FCHO2: variants seen among roughly 807,000 people sequenced by gnomAD.
FCHO2 encodes FCH and mu domain containing endocytic adaptor 2, also known as F-BAR domain only protein 2.
A neutral mutation model predicts 114.1 loss-of-function variants in FCHO2; 43 were observed. The observed-to-expected ratio is 0.38, with a 90% CI of 0.30 to 0.49. The LOEUF is 0.49. Ranked by LOEUF, FCHO2 falls within the 20% of genes least tolerant of loss-of-function variation. The pLI, the probability that FCHO2 is intolerant of heterozygous loss-of-function variation, is 0.97. For synonymous variants in FCHO2, 293 were observed against 315.2 expected (o/e 0.93, Z 0.75); for missense variants, 807 against 950.4 (o/e 0.85, Z 1.98).
chr5:73,071,589 C>A (rs1742656282), intron 19 of FCHO2, among the ~76,000 whole-genome samples: 6 of 151,988 alleles, frequency 3.9e-5, no homozygotes, highest in Admixed American at 3.9e-4. Flanking sequence ...TTAGAAACCA[C>A]AATCTACCCT....
intron 11 of FCHO2, among the ~76,000 whole-genome samples, chr5:73,041,969 A>G (rs1328140762): frequency 6.6e-6 from 1 of 152,120 alleles, no homozygotes; most frequent in African/African-American, 2.4e-5. Flanking sequence ...GTTTCAAACA[A>G]TCTCTGTCCT....
At chr5:73,010,305 G>A (rs992688214) in intron 6 of FCHO2, among the ~76,000 whole-genome samples, 15 of 152,174 alleles carry the variant, frequency 9.9e-5, no homozygotes, top group African/African-American at 3.6e-4. Context: ...GATTGAAATT[G>A]TGACTTTTTA....
chr5:73,034,642 T>A lies in FCHO2; in HGVS notation c.797-15T>A. The A allele has an allele frequency of 6.3e-7, 1 of 1,577,206 alleles. No homozygotes were observed. The highest frequency in any genetic ancestry group is 8.6e-7 in the Non-Finnish European group (1 of 1,168,658). On this transcript the variant is annotated splice_polypyrimidine_tract_variant and intron_variant, in intron 8 of 25. Coordinates refer to ENST00000430046, the MANE Select transcript of FCHO2 (RefSeq NM_138782.3). ...TTTTTTTCTACTAGAAGTTTTTCAA[T>A]TTCTTTTTTTCCAGGCCTCATTGAA...
chr5:73,054,451 T>A (rs1757488546), intron 14 of FCHO2, 74 bp from the exon 15 acceptor site: 2 of 1,294,126 alleles, frequency 1.5e-6, no homozygotes, highest in East Asian at 5.1e-5. Flanking sequence ...AGGTTCCCAG[T>A]ATTAACATTT....
chr5:73,086,339 C>T (rs1372484445), intron 24 of FCHO2, among the ~76,000 whole-genome samples: 5 of 152,172 alleles, frequency 3.3e-5, no homozygotes, highest in Non-Finnish European at 5.9e-5. Flanking sequence ...AGTTCATCTC[C>T]ACTACTGATC....
At chr5:73,050,250 C>T (rs1455901762) in intron 11 of FCHO2, among the ~76,000 whole-genome samples, 5 of 151,952 alleles carry the variant, frequency 3.3e-5, no homozygotes, top group Non-Finnish European at 5.9e-5. Flanking sequence ...CTCTCTTGAT[C>T]TACAGGTTCC....
rs140688476 is a variant in FCHO2, at chr5:72,967,655, T to A, written c.34-843T>A. On this transcript the variant is annotated intron_variant, in intron 1 of 25. Transcript: ENST00000430046. ...TGTTGTTTTTGCCAGAGTCTCACCC[T>A]GTCTCCCAGGCTGGAGTGCAGTGGT... Among the ~76,000 whole-genome samples, 283 of 152,348 alleles carry A rather than the reference T, an allele frequency of 1.9e-3. 4 individuals are homozygous for A. Among genetic ancestry groups the A allele is most frequent in the African/African-American group, 6.4e-3 (266 of 41,592 alleles).
intron 1 of FCHO2, among the ~76,000 whole-genome samples, chr5:72,961,193 T>C (rs1444573578): frequency 6.6e-6 from 1 of 152,130 alleles, no homozygotes; most frequent in African/African-American, 2.4e-5. Context: ...TATTAATAGG[T>C]CTTTGGGATA....
At chr5:72,987,589 C>T (rs540884702) in intron 2 of FCHO2, among the ~76,000 whole-genome samples, 169 of 152,222 alleles carry the variant, frequency 1.1e-3, no homozygotes, top group Non-Finnish European at 1.8e-3. Context: ...CTGCCAGCCT[C>T]GGCCTCCCAA....
intron 22 of FCHO2, among the ~76,000 whole-genome samples, chr5:73,080,330 C>A (rs1300531889): frequency 6.6e-6 from 1 of 152,174 alleles, no homozygotes; most frequent in African/African-American, 2.4e-5. Context: ...TAATAGGATG[C>A]AAGTAAAACC....
chr5:73,035,878 C>G (rs1464990343), intron 9 of FCHO2, among the ~76,000 whole-genome samples: 2 of 151,990 alleles, frequency 1.3e-5, no homozygotes, highest in African/African-American at 4.8e-5. Context: ...GGGTCTTGCT[C>G]TGTCACCCAG....
chr5:73,033,382 TA>T lies in FCHO2; in HGVS notation c.797-1274del, dbSNP rs571082116. 3.2e-4 allele frequency among the ~76,000 whole-genome samples: 48 copies of T among 152,242 alleles called. No individual in the cohort carries two copies. The East Asian group carries it at 8.5e-3, about 27-fold the overall frequency. On this transcript the variant is annotated intron_variant, in intron 8 of 25. Coordinates refer to ENST00000430046, the MANE Select transcript of FCHO2 (RefSeq NM_138782.3). ...ACTAGAACCACACAGAAATAAATCTTAGGTTTAGGGGGAGGGAGAGGGACAT... is the reference window on the plus strand; with the variant it reads ...ACTAGAACCACACAGAAATAAATCTTGGTTTAGGGGGAGGGAGAGGGACAT...
intron 5 of FCHO2, among the ~76,000 whole-genome samples, chr5:72,991,491 A>G (rs147549202): frequency 2.4e-4 from 36 of 152,396 alleles, no homozygotes; most frequent in African/African-American, 8.7e-4. Context: ...AGATTTTGGT[A>G]TATTTAGAAA....
intron 5 of FCHO2, 103 bp from the exon 6 acceptor site, chr5:73,006,342 G>A (rs983000832): frequency 2.1e-4 from 134 of 650,814 alleles, no homozygotes; most frequent in Non-Finnish European, 2.9e-4. Flanking sequence ...ATGTCATATT[G>A]AACTCTTAAA....
intron 2 of FCHO2, among the ~76,000 whole-genome samples, chr5:72,982,704 T>C (rs1204547765): frequency 2.0e-5 from 3 of 152,154 alleles, no homozygotes; most frequent in Non-Finnish European, 1.5e-5. Context: ...CCATACCCAA[T>C]GTTGTCTAGG....
intron 5 of FCHO2, among the ~76,000 whole-genome samples, chr5:72,997,845 A>G (rs1198393372): frequency 6.6e-6 from 1 of 152,146 alleles, no homozygotes; most frequent in Non-Finnish European, 1.5e-5. Flanking sequence ...GCCTCACTCT[A>G]ACTTCGTGTT....
intron 5 of FCHO2, among the ~76,000 whole-genome samples, chr5:72,998,075 T>G: frequency 6.6e-6 from 1 of 151,696 alleles, no homozygotes. Flanking sequence ...TATATACAGG[T>G]AAAGTATTAG....
chr5:73,038,287 T>A (rs1580146547), intron 10 of FCHO2, among the ~76,000 whole-genome samples: 1 of 152,186 alleles, frequency 6.6e-6, no homozygotes, highest in South Asian at 2.1e-4. Context: ...ACATAGGTTT[T>A]GCTCTTTTTT....
intron 8 of FCHO2, among the ~76,000 whole-genome samples, chr5:73,032,097 G>A (rs995414695): frequency 3.3e-5 from 5 of 152,206 alleles, no homozygotes; most frequent in African/African-American, 9.7e-5. Context: ...GCTACAGGGG[G>A]GGTCAGAATG....
Sources: gnomAD v4.1 joint callset for allele counts (sites outside exome capture counted in the v4.1 genomes callset) on GRCh38, gnomAD v4.1.1 for gene constraint, MANE v1.5 for transcripts, NCBI Gene and HGNC (gene_info 2026-07-23, HGNC 2026-07-21) for gene names.